The following PCDH9 variants were observed in gnomAD, a reference collection of about 807,000 sequenced individuals.
PCDH9 encodes protocadherin-9.
PCDH9 carries 24 observed loss-of-function variants against 70.6 expected under a neutral mutation model. The ratio of observed to expected loss-of-function variants is 0.34; its 90% CI spans 0.25 to 0.48. PCDH9 has a LOEUF of 0.48. Among genes scored for constraint, PCDH9 ranks in the 20% least tolerant of loss-of-function variants. The probability of loss-of-function intolerance (pLI) is 0.99; values close to 1 mark genes in which losing one functional copy is unlikely to be tolerated. For synonymous variants in PCDH9, 562 were observed against 558.5 expected, an observed-to-expected ratio of 1.01 and a Z score of -0.09; for missense variants, 1,281 against 1,503.6, an observed-to-expected ratio of 0.85 and a Z score of 2.45.
chr13:66,443,017 T>C (rs372418260), intron 4 of PCDH9, among the ~76,000 whole-genome samples: 1 of 152,190 alleles, frequency 6.6e-6, no homozygotes, highest in Non-Finnish European at 1.5e-5. Flanking sequence ...CAAAAATACA[T>C]GGCACAAGTG....
At chr13:66,567,748 A>G (rs372190630) in intron 4 of PCDH9, among the ~76,000 whole-genome samples, 1 of 152,184 alleles carries the variant, frequency 6.6e-6, no homozygotes, top group East Asian at 1.9e-4. Flanking sequence ...AATTTAATTG[A>G]CATTATAATC....
intron 2 of PCDH9, among the ~76,000 whole-genome samples, chr13:66,922,122 T>C (rs1296702134): frequency 6.6e-6 from 1 of 151,408 alleles, no homozygotes. Context: ...TATATTCATG[T>C]ATCAGAAAAT....
At chr13:66,656,057 TGAA>T (rs746213478) in intron 3 of PCDH9, among the ~76,000 whole-genome samples, 1 of 150,852 alleles carries the variant, frequency 6.6e-6, no homozygotes, top group Non-Finnish European at 1.5e-5. Context: ...TAACACTATC[TGAA>T]GAAGAAGGCA....
intron 3 of PCDH9, among the ~76,000 whole-genome samples, chr13:66,776,084 A>T (rs2079887463): frequency 6.6e-6 from 1 of 152,134 alleles, no homozygotes; most frequent in African/African-American, 2.4e-5. Context: ...TCATTACCAA[A>T]TTCCATTTCA....
intron 3 of PCDH9, among the ~76,000 whole-genome samples, chr13:66,828,475 C>G (rs1372531314): frequency 1.3e-5 from 2 of 152,170 alleles, no homozygotes; most frequent in Admixed American, 6.5e-5. Flanking sequence ...TCATATCTCT[C>G]TTAATTGTGT....
chr13:66,456,643 G>A (rs1450766742), intron 4 of PCDH9, among the ~76,000 whole-genome samples: 1 of 152,060 alleles, frequency 6.6e-6, no homozygotes, highest in Non-Finnish European at 1.5e-5. Context: ...CCTATGATAA[G>A]ACTGTAGCAT....
intron 3 of PCDH9, among the ~76,000 whole-genome samples, chr13:66,832,663 A>G (rs1566226698): frequency 6.6e-6 from 1 of 152,274 alleles, no homozygotes; most frequent in East Asian, 1.9e-4. Flanking sequence ...TACAATGCAT[A>G]AATGGCTTTC....
intron 2 of PCDH9, among the ~76,000 whole-genome samples, chr13:66,946,847 G>T (rs2083096282): frequency 6.6e-6 from 1 of 152,024 alleles, no homozygotes; most frequent in Admixed American, 6.6e-5. Flanking sequence ...CAAAAAATAT[G>T]ACTTTCTTCT....
intron 3 of PCDH9, among the ~76,000 whole-genome samples, chr13:66,713,625 G>GTGTA (rs1379996611): frequency 6.4e-5 from 7 of 110,012 alleles, no homozygotes; most frequent in African/African-American, 2.6e-4. Context: ...GTGTGTGTGT[G>GTGTA]TATATATATA....
intron 4 of PCDH9, among the ~76,000 whole-genome samples, chr13:66,306,571 G>A (rs1955470218): frequency 6.6e-6 from 1 of 151,054 alleles, no homozygotes; most frequent in Non-Finnish European, 1.5e-5. Context: ...ACAGATACTA[G>A]ATGTGAAAAA....
At chr13:66,463,180 C>A (rs544615970) in intron 4 of PCDH9, among the ~76,000 whole-genome samples, 1 of 151,736 alleles carries the variant, frequency 6.6e-6, no homozygotes, top group South Asian at 2.1e-4. Context: ...TATGCCTATC[C>A]CTCCCTATGA....
Position 66,851,916 on chromosome 13 carries a change from A to T in PCDH9, c.3138+51588T>A, listed in dbSNP as rs566210344. Among the ~76,000 whole-genome samples, 47 of 152,180 alleles carry T rather than the reference A, an allele frequency of 3.1e-4. No individual in the cohort carries two copies. In the South Asian group the frequency reaches 9.3e-3, roughly 30 times the overall value. On this transcript the variant is annotated intron_variant, in intron 3 of 4. Coordinates refer to ENST00000377865, the MANE Select transcript of PCDH9 (RefSeq NM_203487.3). Reference sequence around the variant, plus strand: ...TGTCAGCCAATCTGGTTTCTGGTAAAGTTTCCCTTCCTACCTTGCATATGC... The same window carrying T: ...TGTCAGCCAATCTGGTTTCTGGTAATGTTTCCCTTCCTACCTTGCATATGC...
intron 3 of PCDH9, among the ~76,000 whole-genome samples, chr13:66,740,446 C>A (rs1490211827): frequency 2.6e-5 from 3 of 115,056 alleles, no homozygotes; most frequent in Admixed American, 9.5e-5. Context: ...AAAGCAAGAG[C>A]AAACACATTC....
At chr13:66,461,211 C>A (rs958258105) in intron 4 of PCDH9, among the ~76,000 whole-genome samples, 16 of 151,830 alleles carry the variant, frequency 1.1e-4, no homozygotes, top group African/African-American at 3.6e-4. Flanking sequence ...TTTAGTTATT[C>A]ATTGATGTGG....
At chr13:67,102,531 A>C (rs1432964293) in intron 2 of PCDH9, among the ~76,000 whole-genome samples, 1 of 152,176 alleles carries the variant, frequency 6.6e-6, no homozygotes, top group African/African-American at 2.4e-5. Context: ...ACACTTTCAA[A>C]TAGAAAAAAA....
chr13:66,492,017 G>T (rs912157028), intron 4 of PCDH9, among the ~76,000 whole-genome samples: 1 of 152,032 alleles, frequency 6.6e-6, no homozygotes, highest in African/African-American at 2.4e-5. Flanking sequence ...TTCTCAAATG[G>T]GTATGTATGA....
intron 3 of PCDH9, among the ~76,000 whole-genome samples, chr13:66,811,103 T>A (rs2080497413): frequency 6.6e-6 from 1 of 152,136 alleles, no homozygotes; most frequent in African/African-American, 2.4e-5. Context: ...CTATTAAAAA[T>A]TTTTCCTCAA....
intron 2 of PCDH9, among the ~76,000 whole-genome samples, chr13:67,102,408 C>G (rs919207282): frequency 6.6e-6 from 1 of 152,064 alleles, no homozygotes; most frequent in Non-Finnish European, 1.5e-5. Context: ...GAAAGACACT[C>G]AAATGTAAAA....
chr13:67,168,892 A>T (rs1472403908), intron 2 of PCDH9, among the ~76,000 whole-genome samples: 2 of 152,242 alleles, frequency 1.3e-5, no homozygotes, highest in East Asian at 3.9e-4. Context: ...TGAATCTTAC[A>T]GCCATCTTTT....
Sources: allele counts gnomAD v4.1 joint callset (sites outside exome capture counted in the v4.1 genomes callset), GRCh38; gene constraint gnomAD v4.1.1; transcripts MANE v1.5; gene names NCBI Gene and HGNC (gene_info 2026-07-23, HGNC 2026-07-21).